Variants in SPATA3 observed in about 807,000 individuals in gnomAD.
SPATA3 encodes the protein spermatogenesis-associated protein 3.
SPATA3 carries 6 observed loss-of-function variants against 5.7 expected under a neutral mutation model. The observed-to-expected ratio is 1.06, with a 90% CI of 0.58 to 2.09. The LOEUF (loss-of-function observed/expected upper bound fraction) is 2.09. SPATA3 is among the 30% of genes most tolerant of loss of function. The pLI is 0.00. For missense variants in SPATA3, 155 were observed against 130.4 expected, an observed-to-expected ratio of 1.19 and a Z score of -0.92; for synonymous variants, 44 against 48.4, an observed-to-expected ratio of 0.91 and a Z score of 0.37.
downstream of SPATA3, chr2:231,003,983 G>A (rs557564945): frequency 2.0e-5 from 3 of 152,304 alleles, no homozygotes; most frequent in East Asian, 5.8e-4. Context: ...TGCTTAATAA[G>A]TGACAGTGGG....
chr2:231,015,012 C>G (rs143826782), intron 6 of SPATA3, among the ~76,000 whole-genome samples: 1 of 151,630 alleles, frequency 6.6e-6, no homozygotes, highest in African/African-American at 2.4e-5. Context: ...GAGGGGAGCA[C>G]CAGGAAATCC....
chr2:231,017,493 C>T (rs558499627), intron 6 of SPATA3, among the ~76,000 whole-genome samples: 6 of 152,228 alleles, frequency 3.9e-5, no homozygotes, highest in Non-Finnish European at 8.8e-5. Flanking sequence ...GTTGACATCC[C>T]CACCAATGAC....
intron 6 of SPATA3, among the ~76,000 whole-genome samples, chr2:231,014,649 G>T (rs1363617188): frequency 2.6e-5 from 4 of 152,210 alleles, no homozygotes; most frequent in South Asian, 2.1e-4. Context: ...GCATCGTGGG[G>T]CTCCTCTGGT....
At position 231,019,516 on chromosome 2, in the gene SPATA3, G is replaced by C. The variant is rs182356767; in HGVS notation, c.*566-204G>C. Among the ~76,000 whole-genome samples the C allele has an allele frequency of 1.3e-3, 194 of 149,512 alleles. 4 individuals carry two copies. The highest frequency in any genetic ancestry group is 4.4e-3 in the African/African-American group (180 of 40,732). ...TTTTTTTGTATTTTTAGTAGAGATG[G>C]GGTTTCACCGTGTTAGCCGGGATGG... On this transcript the variant is annotated intron_variant, in intron 6 of 8. Transcript: ENST00000452881.
At chr2:231,014,274 A>G (rs1035517039) in intron 6 of SPATA3, 1 of 152,220 alleles carries the variant, frequency 6.6e-6, no homozygotes, top group Non-Finnish European at 1.5e-5. Flanking sequence ...TAACAATGCT[A>G]ATAGCCTGTC....
intron 1 of SPATA3, chr2:230,996,510 G>T: frequency 4.5e-6 from 7 of 1,552,024 alleles, no homozygotes; most frequent in Non-Finnish European, 6.1e-6. Flanking sequence ...TAACGTGAAG[G>T]CAGCCCCTCA....
rs764445567 is a variant in SPATA3 at position 231,000,425 on chromosome 2, G to A, written c.850G>A (p.Ala284Thr). 1.9e-5 allele frequency: 29 copies of A among 1,546,734 alleles called. 1 individual carries two copies. Among genetic ancestry groups the A allele is most frequent in the South Asian group, 6.0e-5 (5 of 83,734 alleles). ...CTGTGCCACTTGCCCCTGCAGCTCC[G>A]CTTGCTGGCGTCGTCTGGGGCTATG... The change falls in exon 2 of 3, where the codon GCT becomes ACT. Residue 284 changes from alanine (A) to threonine (T), a missense_variant. Transcript: ENST00000645363.
Position 230,999,486 on chromosome 2 carries a change from T to A in SPATA3, c.791-880T>A, listed in dbSNP as rs1692264496. 3 of 152,286 alleles carry A rather than the reference T, an allele frequency of 2.0e-5. No individual in the cohort carries two copies. In the East Asian group the frequency reaches 5.8e-4, roughly 29 times the overall value. 9.4% of individuals were successfully genotyped at this position (152,286 alleles called of 1,614,324 possible). A position where few individuals can be genotyped will look rare whatever the true frequency, so the allele number is the denominator to read the frequency against. ...CGGGAAAGTACGTGTCGTGGGCAAGTCTAAGCAGAAAGTGTATTGAATCTG... is the reference window on the plus strand; with the variant it reads ...CGGGAAAGTACGTGTCGTGGGCAAGACTAAGCAGAAAGTGTATTGAATCTG... On this transcript the variant is annotated intron_variant, in intron 1 of 2. Transcript: ENST00000645363.
intron 6 of SPATA3, among the ~76,000 whole-genome samples, chr2:231,018,967 T>TGC (rs1693002438): frequency 1.3e-5 from 1 of 79,662 alleles, no homozygotes. Context: ...ATTTTTCTTT[T>TGC]TCTTTTTTTT....
chr2:231,016,435 C>T (rs1265334408), intron 6 of SPATA3, among the ~76,000 whole-genome samples: 1 of 148,976 alleles, frequency 6.7e-6, no homozygotes, highest in African/African-American at 2.5e-5. Flanking sequence ...CACCCAAAAT[C>T]CCAGCACTTT....
downstream of SPATA3, among the ~76,000 whole-genome samples, chr2:231,008,059 G>A (rs1692687743): frequency 6.6e-6 from 1 of 152,188 alleles, no homozygotes; most frequent in Non-Finnish European, 1.5e-5. Flanking sequence ...AGGACAGCCA[G>A]TACTAGTGAG....
intron 2 of SPATA3, among the ~76,000 whole-genome samples, chr2:231,001,937 G>A (rs951894791): frequency 5.9e-5 from 9 of 152,182 alleles, no homozygotes; most frequent in Non-Finnish European, 1.0e-4. Flanking sequence ...CATGTGAGCC[G>A]AGTCCAGAAG....
chr2:231,007,790 G>C (rs963697579), downstream of SPATA3, among the ~76,000 whole-genome samples: 1 of 152,316 alleles, frequency 6.6e-6, no homozygotes, highest in Admixed American at 6.5e-5. Context: ...TCCTGAACAG[G>C]CGACTCGAAA....
intron 1 of SPATA3, 90 bp from the exon 2 acceptor site, chr2:231,000,276 G>C (rs1413841703): frequency 4.2e-6 from 5 of 1,197,138 alleles, no homozygotes; most frequent in East Asian, 2.9e-5. Context: ...CTGCCGTTGT[G>C]GGGGGCCTTC....
At chr2:230,999,334 T>C (rs183261556) in intron 1 of SPATA3, among the ~76,000 whole-genome samples, 4 of 152,268 alleles carry the variant, frequency 2.6e-5, no homozygotes, top group Admixed American at 6.5e-5. Flanking sequence ...TTTGTGAATA[T>C]ACTAAAAACC....
In SPATA3 at chr2:230,996,589, G is replaced by T. The variant is rs572072285; in HGVS notation, c.791-3777G>T. 2.7e-5 allele frequency: 41 copies of T among 1,530,654 alleles called. No homozygotes were observed. In the East Asian group the frequency reaches 1.0e-3, roughly 37 times the overall value. 94.8% of individuals were successfully genotyped at this position (1,530,654 alleles called of 1,614,324 possible). A position where few individuals can be genotyped will look rare whatever the true frequency, so the allele number is the denominator to read the frequency against. ...AGCCTTCCTGCTGATGGAGTTCTGG[G>T]TCATCCCAAAGGCTGGTTCTTGTAG... On this transcript the variant is annotated intron_variant, in intron 1 of 2. Coordinates refer to ENST00000645363, the Ensembl canonical transcript of SPATA3.
downstream of SPATA3, among the ~76,000 whole-genome samples, chr2:231,005,175 T>TCAC (rs1692521626): frequency 1.4e-4 from 3 of 22,190 alleles, no homozygotes; most frequent in Admixed American, 5.2e-4. Flanking sequence ...ATCATCACCA[T>TCAC]CATCATCACC....
chr2:231,000,395 T>C, exon 2 of SPATA3: 1 of 1,532,148 alleles, frequency 6.5e-7, no homozygotes, highest in African/African-American at 1.4e-5. Flanking sequence ...CCCGCATTCC[T>C]GCTCCTGTGC....
chr2:231,000,241 G>A (rs756763478), intron 1 of SPATA3, 125 bp from the exon 2 acceptor site: 230 of 889,766 alleles, frequency 2.6e-4, no homozygotes, highest in Non-Finnish European at 3.6e-4. Flanking sequence ...AAAATCCAGC[G>A]TTCGCCCTGG....
Sources: allele counts gnomAD v4.1 joint callset (sites outside exome capture counted in the v4.1 genomes callset), GRCh38; gene constraint gnomAD v4.1.1; transcripts MANE v1.5; gene names NCBI Gene and HGNC (gene_info 2026-07-23, HGNC 2026-07-21).